EIF2AK3: variants seen among roughly 807,000 people sequenced by gnomAD.
EIF2AK3 encodes the protein eukaryotic translation initiation factor 2-alpha kinase 3.
A neutral mutation model predicts 113.5 loss-of-function variants in EIF2AK3; 50 were observed. That is an observed-to-expected ratio of 0.44 (90% CI 0.35 to 0.56). EIF2AK3 has a LOEUF of 0.56. Ranked by LOEUF, EIF2AK3 falls within the 20% of genes least tolerant of loss-of-function variation. EIF2AK3 has a pLI of 0.00. For synonymous variants in EIF2AK3, 448 were observed against 495.4 expected, an observed-to-expected ratio of 0.90 and a Z score of 1.27; for missense variants, 1,185 against 1,378.0, an observed-to-expected ratio of 0.86 and a Z score of 2.22.
chr2:88,618,629 T>G (rs1229687471), intron 1 of EIF2AK3, among the ~76,000 whole-genome samples: 1 of 152,230 alleles, frequency 6.6e-6, no homozygotes, highest in African/African-American at 2.4e-5. Context: ...TAAGACCAGT[T>G]GTGCAAACAC....
At chr2:88,581,610 G>A (rs1340076444) in intron 10 of EIF2AK3, among the ~76,000 whole-genome samples, 4 of 152,234 alleles carry the variant, frequency 2.6e-5, no homozygotes, top group Non-Finnish European at 5.9e-5. Context: ...CAGCTGTTCC[G>A]AATAAATGTT....
intron 1 of EIF2AK3, among the ~76,000 whole-genome samples, chr2:88,620,955 C>A (rs1298765902): frequency 6.6e-6 from 1 of 152,156 alleles, no homozygotes; most frequent in Non-Finnish European, 1.5e-5. Context: ...AACATATTAT[C>A]TACACAAAAC....
At chr2:88,588,957 T>A in intron 6 of EIF2AK3, 56 bp from the exon 7 acceptor site, 8 of 1,577,876 alleles carry the variant, frequency 5.1e-6, no homozygotes, top group Non-Finnish European at 6.9e-6. Context: ...AAGGTTTTTT[T>A]AATTAAATAA....
At position 88,618,255 on chromosome 2, in the gene EIF2AK3, G is replaced by A. The variant is rs548442477; in HGVS notation, c.309-4402C>T. Among the ~76,000 whole-genome samples the A allele has an allele frequency of 1.2e-4, 18 of 152,252 alleles. No individual in the cohort carries two copies. The South Asian group carries it at 3.7e-3, about 32-fold the overall frequency. ...CCTCCCAAAACAGGAAGAATATAAGGTTATTTATCTCCCCAAGACCACTTG... is the reference window on the plus strand; with the variant it reads ...CCTCCCAAAACAGGAAGAATATAAGATTATTTATCTCCCCAAGACCACTTG... On this transcript the variant is annotated intron_variant, in intron 1 of 16. Coordinates refer to ENST00000303236, the MANE Select transcript of EIF2AK3 (RefSeq NM_004836.7).
chr2:88,627,700 G>A (rs942261357), upstream of EIF2AK3: 4 of 167,586 alleles, frequency 2.4e-5, no homozygotes, highest in Non-Finnish European at 3.8e-5. Context: ...TGATTGGTGC[G>A]CTCATCAGTT....
At chr2:88,568,906 T>A (rs979858164) in intron 14 of EIF2AK3, among the ~76,000 whole-genome samples, 7 of 152,320 alleles carry the variant, frequency 4.6e-5, no homozygotes, top group African/African-American at 1.7e-4. Context: ...GAGTTTTTTT[T>A]TCGAGATGGA....
chr2:88,595,887 T>C, intron 2 of EIF2AK3: 1 of 600,438 alleles, frequency 1.7e-6, no homozygotes, highest in Non-Finnish European at 3.0e-6. Context: ...TCCCAGGCCC[T>C]ACACATAGTA....
intron 9 of EIF2AK3, 108 bp downstream of exon 9, chr2:88,585,733 G>T (rs1049738420): frequency 2.9e-6 from 3 of 1,048,654 alleles, no homozygotes; most frequent in Non-Finnish European, 4.2e-6. Context: ...ACTTTGGCAA[G>T]AGTAGCTTTG....
At chr2:88,623,341 C>A (rs1419414644) in intron 1 of EIF2AK3, among the ~76,000 whole-genome samples, 1 of 151,990 alleles carries the variant, frequency 6.6e-6, no homozygotes, top group African/African-American at 2.4e-5. Flanking sequence ...AGATTGGTAC[C>A]AGAAAAACAA....
chr2:88,586,086 T>G, intron 8 of EIF2AK3, 25 bp from the exon 9 acceptor site: 2 of 1,601,558 alleles, frequency 1.2e-6, no homozygotes, highest in Non-Finnish European at 1.7e-6. Flanking sequence ...ATTAAAACGT[T>G]TTTTTTAAAG....
chr2:88,569,111 G>A (rs760651993), intron 14 of EIF2AK3, among the ~76,000 whole-genome samples: 47 of 152,094 alleles, frequency 3.1e-4, no homozygotes, highest in African/African-American at 5.6e-4. Flanking sequence ...TGCTGGTCTC[G>A]AACTCCTGGC....
chr2:88,559,593 AAGAGAAAGGGGAGAGAG>A (rs1209682971), intron 15 of EIF2AK3, among the ~76,000 whole-genome samples: 1 of 148,226 alleles, frequency 6.7e-6, no homozygotes, highest in Non-Finnish European at 1.5e-5. Context: ...GGGAGGGAGA[AAGAGAAAGGGGAGAGAG>A]AGAGAGAGAA....
At position 88,590,954 on chromosome 2, in the gene EIF2AK3, G is replaced by T. The variant is rs1228905306; in HGVS notation, c.866C>A (p.Thr289Lys). 1.2e-6 allele frequency: 2 copies of T among 1,614,062 alleles called. No individual in the cohort carries two copies. The highest frequency in any genetic ancestry group is 2.2e-5 in the South Asian group (2 of 91,082). The change falls in exon 5 of 17, where the codon ACA becomes AAA. Residue 289 changes from threonine (T) to lysine (K), a missense_variant. Thr to Lys is a moderately conservative substitution (Grantham distance 78). Around this residue, in one of 3 missense-constraint regions of EIF2AK3, gnomAD observed 877 missense variants for 1,024.2 expected, o/e 0.86. Transcript: ENST00000303236. Reference sequence around the variant, plus strand: ...ATCTGAAATAATTTTAGACTCTTCTGTGTTCTCATTGGGCTTAAAGGTGCT... The same window carrying T: ...ATCTGAAATAATTTTAGACTCTTCTTTGTTCTCATTGGGCTTAAAGGTGCT... ...IESTFKPNEN[T>K]EESKIISDVE... is the part of the protein sequence containing the mutation.
chr2:88,624,111 C>A (rs938672663), intron 1 of EIF2AK3, among the ~76,000 whole-genome samples: 9 of 152,162 alleles, frequency 5.9e-5, no homozygotes, highest in Non-Finnish European at 8.8e-5. Context: ...CCTGCCTCAG[C>A]CTCCCGAGTA....
At chr2:88,564,362 A>G (rs1201889208) in intron 14 of EIF2AK3, among the ~76,000 whole-genome samples, 1 of 152,210 alleles carries the variant, frequency 6.6e-6, no homozygotes, top group Non-Finnish European at 1.5e-5. Context: ...TTATAAAGTG[A>G]CAGTTTCTAT....
At chr2:88,569,398 G>A (rs1266183700) in intron 14 of EIF2AK3, among the ~76,000 whole-genome samples, 1 of 151,650 alleles carries the variant, frequency 6.6e-6, no homozygotes, top group African/African-American at 2.4e-5. Flanking sequence ...ATGTGAGAAT[G>A]GCATTTCAAG....
At chr2:88,571,464 C>G (rs1464391691) in intron 13 of EIF2AK3, among the ~76,000 whole-genome samples, 4 of 152,204 alleles carry the variant, frequency 2.6e-5, no homozygotes, top group Non-Finnish European at 5.9e-5. Context: ...CAGTTTACTA[C>G]TACTAACTCA....
At chr2:88,601,206 G>A (rs1675140415) in intron 2 of EIF2AK3, among the ~76,000 whole-genome samples, 1 of 152,140 alleles carries the variant, frequency 6.6e-6, no homozygotes, top group Non-Finnish European at 1.5e-5. Flanking sequence ...CCTTTGTTAT[G>A]CACTGATTTA....
intron 9 of EIF2AK3, 46 bp from the exon 10 acceptor site, chr2:88,583,588 G>C: frequency 7.4e-7 from 1 of 1,347,556 alleles, no homozygotes; most frequent in Non-Finnish European, 1.1e-6. Context: ...AAGCTGAACT[G>C]AAGTTAGCTA....
Sources: allele counts gnomAD v4.1 joint callset (sites outside exome capture counted in the v4.1 genomes callset), GRCh38; gene constraint gnomAD v4.1.1; regional missense constraint gnomAD v4.1.1; transcripts MANE v1.5; gene names NCBI Gene and HGNC (gene_info 2026-07-23, HGNC 2026-07-21).